The following ATP13A4 variants were observed in gnomAD, a reference collection of about 807,000 sequenced individuals.
The protein encoded by ATP13A4 is probable cation-transporting ATPase 13A4.
In ATP13A4, 114 loss-of-function variants were observed where a neutral mutation model predicts 142.5. That is an observed-to-expected ratio of 0.80 (90% confidence interval 0.69 to 0.93). The LOEUF (loss-of-function observed/expected upper bound fraction) is 0.93. Among genes scored for constraint, ATP13A4 ranks in the 40% least tolerant of loss-of-function variants. ATP13A4 has a pLI of 0.00. For synonymous variants in ATP13A4, 488 were observed against 514.8 expected (o/e 0.95, Z 0.70); for missense variants, 1,392 against 1,454.0 (o/e 0.96, Z 0.69).
intron 1 of ATP13A4, among the ~76,000 whole-genome samples, chr3:193,516,885 T>C (rs972695940): frequency 6.6e-6 from 1 of 152,106 alleles, no homozygotes; most frequent in Non-Finnish European, 1.5e-5. Flanking sequence ...AATTCCCCAT[T>C]AAGAAAACTA....
At chr3:193,585,430 TAACAAC>T (rs368723108) in intron 1 of ATP13A4, among the ~76,000 whole-genome samples, 23 of 151,306 alleles carry the variant, frequency 1.5e-4, no homozygotes, top group African/African-American at 4.4e-4. Context: ...CAAAAGAAAA[TAACAAC>T]AACAACAACA....
intron 1 of ATP13A4, among the ~76,000 whole-genome samples, chr3:193,516,362 T>A (rs769941257): frequency 2.0e-5 from 3 of 152,226 alleles, no homozygotes; most frequent in Non-Finnish European, 2.9e-5. Context: ...GCATAACTGA[T>A]AAAATGTTCT....
intron 1 of ATP13A4, among the ~76,000 whole-genome samples, chr3:193,524,365 T>A (rs575326592): frequency 2.0e-5 from 3 of 152,256 alleles, no homozygotes; most frequent in Non-Finnish European, 2.9e-5. Context: ...CTCTGAGTAG[T>A]TAATGTCAGA....
At chr3:193,445,082 C>G (rs961728618) in intron 18 of ATP13A4, among the ~76,000 whole-genome samples, 11 of 152,264 alleles carry the variant, frequency 7.2e-5, no homozygotes, top group African/African-American at 2.2e-4. Flanking sequence ...GAGGAACAAC[C>G]AGAGCACATG....
At chr3:193,498,150 T>C (rs888074287) in intron 3 of ATP13A4, among the ~76,000 whole-genome samples, 3 of 152,170 alleles carry the variant, frequency 2.0e-5, no homozygotes, top group Non-Finnish European at 4.4e-5. Flanking sequence ...ATACATAATG[T>C]ATACATGTAT....
chr3:193,443,487 G>A (rs745515365), intron 18 of ATP13A4, among the ~76,000 whole-genome samples: 1 of 151,338 alleles, frequency 6.6e-6, no homozygotes, highest in Non-Finnish European at 1.5e-5. Context: ...AGAACTTATG[G>A]TTGATTGCTA....
Position 193,489,710 on chromosome 3 carries a change from G to A in ATP13A4, c.738+20C>T. ...TTATCCTTCCCTTTATGAAACCATA[G>A]AATTAATAGAAAAACTCACCTCTCT... is the stretch of plus-strand genomic sequence containing the variant. On this transcript the variant is annotated intron_variant, in intron 7 of 29. Coordinates refer to ENST00000342695, the MANE Select transcript of ATP13A4 (RefSeq NM_032279.4). The A allele has an allele frequency of 6.3e-7, 1 of 1,596,998 alleles. No homozygotes were observed. The highest frequency in any genetic ancestry group is 8.6e-7 in the Non-Finnish European group (1 of 1,165,142).
chr3:193,533,455 A>T (rs142546330), intron 1 of ATP13A4, among the ~76,000 whole-genome samples: 2 of 152,206 alleles, frequency 1.3e-5, no homozygotes, highest in African/African-American at 2.4e-5. Flanking sequence ...ATAAAAAATT[A>T]AAAAAGCAAT....
chr3:193,430,015 A>G (rs1715882920), intron 25 of ATP13A4, among the ~76,000 whole-genome samples: 1 of 152,100 alleles, frequency 6.6e-6, no homozygotes, highest in Non-Finnish European at 1.5e-5. Context: ...AATATATGTT[A>G]AACAGAAAAG....
At chr3:193,424,136 T>C (rs1021215972) in intron 25 of ATP13A4, among the ~76,000 whole-genome samples, 7 of 146,534 alleles carry the variant, frequency 4.8e-5, no homozygotes. Context: ...AGGTGAAAAA[T>C]CTCTATACTG....
chr3:193,538,892 C>CTTTTTTT (rs67132373), intron 1 of ATP13A4, among the ~76,000 whole-genome samples: 3 of 120,852 alleles, frequency 2.5e-5, no homozygotes, highest in Admixed American at 8.8e-5. Flanking sequence ...TTGGTTTTTT[C>CTTTTTTT]TTTTTTTTTT....
chr3:193,499,342 T>G (rs558810213), intron 3 of ATP13A4, among the ~76,000 whole-genome samples: 60 of 152,348 alleles, frequency 3.9e-4, no homozygotes, highest in African/African-American at 1.3e-3. Flanking sequence ...ATGACACATG[T>G]TGAAATCTCA....
intron 1 of ATP13A4, among the ~76,000 whole-genome samples, chr3:193,592,462 G>T (rs1311390405): frequency 1.3e-5 from 2 of 152,178 alleles, no homozygotes; most frequent in African/African-American, 4.8e-5. Context: ...AGAGCCAAAA[G>T]AAAAAGTAGT....
At chr3:193,548,605 T>C (rs116746637) in intron 1 of ATP13A4, among the ~76,000 whole-genome samples, 1 of 152,348 alleles carries the variant, frequency 6.6e-6, no homozygotes, top group African/African-American at 2.4e-5. Flanking sequence ...GGCAACTGAC[T>C]CAGAGGTGCT....
chr3:193,502,560 G>A lies in ATP13A4; in HGVS notation c.314C>T (p.Pro105Leu), dbSNP rs1720611473. 6.2e-7 allele frequency: 1 copy of A among 1,613,612 alleles called. No individual in the cohort carries two copies. The highest frequency in any genetic ancestry group is 8.5e-7 in the Non-Finnish European group (1 of 1,179,496). The part of the protein sequence containing the change: ...SALNSAFGLT[P>L]DHPLMTDEEY... ...CTCATCTGTCATGAGAGGGTGGTCAGGAGTGAGACCAAATGCGCTGTTTAA... is the reference window on the plus strand; with the variant it reads ...CTCATCTGTCATGAGAGGGTGGTCAAGAGTGAGACCAAATGCGCTGTTTAA... The change falls in exon 3 of 30, where the codon CCT becomes CTT. Residue 105 changes from proline (P) to leucine (L), a missense_variant. Physicochemically the swap from Pro to Leu is moderately conservative, Grantham distance 98 (BLOSUM62 -3). Coordinates refer to ENST00000342695, the MANE Select transcript of ATP13A4 (RefSeq NM_032279.4).
chr3:193,467,822 G>A (rs1034657647), intron 9 of ATP13A4, among the ~76,000 whole-genome samples: 1 of 152,092 alleles, frequency 6.6e-6, no homozygotes, highest in Non-Finnish European at 1.5e-5. Context: ...GGAGAATAAA[G>A]GGCCGTGAGA....
chr3:193,505,111 C>T (rs1296795167), intron 2 of ATP13A4, among the ~76,000 whole-genome samples: 1 of 152,136 alleles, frequency 6.6e-6, no homozygotes, highest in East Asian at 1.9e-4. Context: ...TCTTTCCATT[C>T]CAAATCTTGG....
intron 1 of ATP13A4, among the ~76,000 whole-genome samples, chr3:193,528,875 C>CTA (rs397740981): frequency 6.6e-6 from 1 of 151,466 alleles, no homozygotes; most frequent in Non-Finnish European, 1.5e-5. Flanking sequence ...ATTCAATGGT[C>CTA]CATTTTTCCA....
At chr3:193,456,751 T>G (rs563356588) in intron 16 of ATP13A4, among the ~76,000 whole-genome samples, 1 of 150,800 alleles carries the variant, frequency 6.6e-6, no homozygotes, top group African/African-American at 2.4e-5. Context: ...TAAGGGGGAG[T>G]GAGAAATCAG....
Sources: allele counts gnomAD v4.1 joint callset (sites outside exome capture counted in the v4.1 genomes callset), GRCh38; gene constraint gnomAD v4.1.1; transcripts MANE v1.5; gene names NCBI Gene and HGNC (gene_info 2026-07-23, HGNC 2026-07-21).